The following TM2D1 variants were observed in gnomAD, a reference collection of about 807,000 sequenced individuals.
TM2D1 encodes the protein TM2 domain-containing protein 1.
In TM2D1, 15 loss-of-function variants were observed where a neutral mutation model predicts 28.4. The ratio of observed to expected loss-of-function variants is 0.53; its 90% CI spans 0.35 to 0.81. The LOEUF (loss-of-function observed/expected upper bound fraction) is 0.81, where lower values mean the gene tolerates loss of function less well. Among genes scored for constraint, TM2D1 ranks in the 40% least tolerant of loss-of-function variants. TM2D1 has a pLI of 0.01. For missense variants in TM2D1, 236 were observed against 254.9 expected (o/e 0.93, Z 0.50); for synonymous variants, 93 against 96.2 (o/e 0.97, Z 0.20).
Position 61,704,729 on chromosome 1 carries a change from C to A in TM2D1, c.348-3704G>T, listed in dbSNP as rs370599490. The stretch of plus-strand genomic sequence containing the variant: ...TTACAGGCTGAGCCACTGGGCCTAG[C>A]CAATAAAGCATTTTAAGAAAGCCAA... On this transcript the variant is annotated intron_variant, in intron 3 of 6. Transcript: ENST00000606498. Among the ~76,000 whole-genome samples the A allele has an allele frequency of 3.9e-5, 6 of 152,136 alleles. No homozygotes were observed. The East Asian group carries it at 9.7e-4, about 25-fold the overall frequency.
At chr1:61,723,811 C>T (rs754037111) in intron 1 of TM2D1, 25 bp from the exon 2 acceptor site, 16 of 1,140,852 alleles carry the variant, frequency 1.4e-5, no homozygotes, top group African/African-American at 4.7e-5. Context: ...TAAGGAAATA[C>T]GGACTACATT....
intron 3 of TM2D1, among the ~76,000 whole-genome samples, chr1:61,702,633 G>T (rs1396877941): frequency 1.3e-5 from 2 of 150,844 alleles, no homozygotes; most frequent in Admixed American, 6.6e-5. Context: ...CTCCCAAAGT[G>T]CTAGGATTAC....
intron 6 of TM2D1, among the ~76,000 whole-genome samples, chr1:61,683,101 C>A (rs1345947323): frequency 6.6e-6 from 1 of 152,066 alleles, no homozygotes; most frequent in Non-Finnish European, 1.5e-5. Flanking sequence ...GCAGAAATAT[C>A]TGCTATATTG....
At chr1:61,706,135 T>C (rs1367826111) in intron 3 of TM2D1, among the ~76,000 whole-genome samples, 1 of 152,162 alleles carries the variant, frequency 6.6e-6, no homozygotes, top group Non-Finnish European at 1.5e-5. Flanking sequence ...TATCTTAGCT[T>C]TGCCACTCTT....
intron 3 of TM2D1, among the ~76,000 whole-genome samples, chr1:61,703,208 T>C (rs1397253036): frequency 6.6e-6 from 1 of 150,386 alleles, no homozygotes; most frequent in Non-Finnish European, 1.5e-5. Flanking sequence ...CCCATTGTTG[T>C]GCCTAATGAA....
chr1:61,696,070 T>C (rs1644360634), intron 4 of TM2D1: 1 of 152,220 alleles, frequency 6.6e-6, no homozygotes, highest in Non-Finnish European at 1.5e-5. Flanking sequence ...ATTACCTTAA[T>C]AAAAACTCCT....
At chr1:61,713,818 A>C (rs1470563741) in intron 2 of TM2D1, among the ~76,000 whole-genome samples, 1 of 152,114 alleles carries the variant, frequency 6.6e-6, no homozygotes, top group Non-Finnish European at 1.5e-5. Context: ...TACCTTGCCT[A>C]ACAGAAATGC....
chr1:61,685,813 G>A lies in TM2D1; in HGVS notation c.514-2267C>T, dbSNP rs368349926. 2.7e-4 allele frequency among the ~76,000 whole-genome samples: 41 copies of A among 152,158 alleles called. No homozygotes were observed. The Middle Eastern group carries it at 0.01, about 38-fold the overall frequency. On this transcript the variant is annotated intron_variant, in intron 5 of 6. Coordinates refer to ENST00000606498, the MANE Select transcript of TM2D1 (RefSeq NM_032027.3). The stretch of plus-strand genomic sequence containing the variant: ...GAAGCCAGAAGTTTGAGACCAGCAT[G>A]GGCAAAAAAGCAAGAACTTTGCCTC...
intron 5 of TM2D1, 129 bp from the exon 6 acceptor site, chr1:61,683,675 A>G: frequency 1.9e-6 from 1 of 517,398 alleles, no homozygotes. Flanking sequence ...CTAAGCAAAA[A>G]TAGGTAATTT....
chr1:61,703,362 TATATA>T (rs985019225), intron 3 of TM2D1, among the ~76,000 whole-genome samples: 1 of 147,396 alleles, frequency 6.8e-6, no homozygotes, highest in African/African-American at 2.5e-5. Context: ...CATATTACTA[TATATA>T]ATATACTAGT....
In TM2D1 at chr1:61,703,628, G is replaced by T. The variant is rs182689045; in HGVS notation, c.348-2603C>A. Among the ~76,000 whole-genome samples the T allele has an allele frequency of 3.4e-3, 494 of 145,184 alleles. 3 individuals are homozygous for T. Among genetic ancestry groups the T allele is most frequent in the African/African-American group, 0.012 (464 of 39,670 alleles). On this transcript the variant is annotated intron_variant, in intron 3 of 6. Coordinates refer to ENST00000606498, the MANE Select transcript of TM2D1 (RefSeq NM_032027.3). ...AAATTTCACCATGTTGGCCAGGCTG[G>T]TCTCAAATTCCTGACCTCAAGTTAT...
At chr1:61,682,414 C>T (rs1399557050) in intron 6 of TM2D1, among the ~76,000 whole-genome samples, 1 of 152,100 alleles carries the variant, frequency 6.6e-6, no homozygotes, top group South Asian at 2.1e-4. Context: ...ATCATTATAC[C>T]AGGAAATGGT....
intron 3 of TM2D1, among the ~76,000 whole-genome samples, chr1:61,706,846 GAA>G (rs1338991617): frequency 1.3e-5 from 2 of 151,048 alleles, no homozygotes; most frequent in East Asian, 3.9e-4. Flanking sequence ...AAGAAAGAAA[GAA>G]AGAAAGAAAG....
At chr1:61,700,878 A>T in intron 4 of TM2D1, 56 bp downstream of exon 4, 1 of 1,293,728 alleles carries the variant, frequency 7.7e-7, no homozygotes, top group Non-Finnish European at 1.1e-6. Flanking sequence ...AAGAACACCT[A>T]CAATGAACTA....
intron 2 of TM2D1, among the ~76,000 whole-genome samples, chr1:61,721,541 CAAAAAAAAAAAAAAAGAAAAAA>C (rs1644564861): frequency 1.8e-5 from 2 of 111,306 alleles, no homozygotes; most frequent in African/African-American, 6.9e-5. Context: ...GACTCTGTCT[CAAAAAAAAAAAAAAAGAAAAAA>C]GAAAAAGAAA....
intron 5 of TM2D1, among the ~76,000 whole-genome samples, chr1:61,692,095 T>A (rs1488662693): frequency 1.4e-4 from 21 of 150,898 alleles, no homozygotes; most frequent in African/African-American, 4.9e-4. Context: ...TATACATGTA[T>A]CACTGATTTA....
Position 61,725,102 on chromosome 1 carries a change from ACGGCCAGG to A in TM2D1, c.11_18del (p.Ala4ValfsTer41), listed in dbSNP as rs1557543578. 1.2e-6 allele frequency: 2 copies of A among 1,613,472 alleles called. No homozygotes were observed. The highest frequency in any genetic ancestry group is 1.1e-5 in the South Asian group (1 of 91,088). ...ACGGCCTCCGGAGCAGACGGACCAG[ACGGCCAGG>A]CGGCCGCCATCTTGGAGACCGACAC... On this transcript the variant is annotated frameshift_variant, in exon 1 of 7. Transcript: ENST00000606498. LOFTEE classifies it high-confidence loss of function.
chr1:61,695,720 A>C (rs532368029), intron 4 of TM2D1, among the ~76,000 whole-genome samples: 1 of 152,252 alleles, frequency 6.6e-6, no homozygotes, highest in South Asian at 2.1e-4. Context: ...TGAACTATGT[A>C]AGGACATTAG....
At chr1:61,715,286 C>A (rs1440716561) in intron 2 of TM2D1, among the ~76,000 whole-genome samples, 1 of 152,120 alleles carries the variant, frequency 6.6e-6, no homozygotes, top group African/African-American at 2.4e-5. Context: ...CTAGCATGTT[C>A]CTTCAAGAAA....
Sources: gnomAD v4.1 joint callset for allele counts (sites outside exome capture counted in the v4.1 genomes callset) on GRCh38, gnomAD v4.1.1 for gene constraint, MANE v1.5 for transcripts, NCBI Gene and HGNC (gene_info 2026-07-23, HGNC 2026-07-21) for gene names.